The following LRP1B variants were observed in gnomAD, a reference collection of about 807,000 sequenced individuals.
LRP1B encodes the protein LDL receptor related protein 1B.
LRP1B carries 217 observed loss-of-function variants against 556.6 expected under a neutral mutation model. The ratio of observed to expected loss-of-function variants is 0.39; its 90% CI spans 0.35 to 0.44. The LOEUF (loss-of-function observed/expected upper bound fraction) is 0.44, where lower values mean the gene tolerates loss of function less well. LRP1B is among the 20% of genes least tolerant of loss of function. The pLI is 1.00. For synonymous variants in LRP1B, 2,047 were observed against 1,865.8 expected (o/e 1.10, Z -2.50); for missense variants, 5,053 against 5,620.8 (o/e 0.90, Z 3.23).
chr2:140,404,617 C>A (rs899345329), intron 66 of LRP1B, among the ~76,000 whole-genome samples: 2 of 152,068 alleles, frequency 1.3e-5, no homozygotes, highest in Admixed American at 1.3e-4. Context: ...AAATGCCCTA[C>A]TTAAAAGATA....
chr2:140,743,889 C>A (rs911246243), intron 35 of LRP1B, among the ~76,000 whole-genome samples: 23 of 135,830 alleles, frequency 1.7e-4, no homozygotes, highest in Admixed American at 9.3e-4. Flanking sequence ...ATCACTTGAA[C>A]CCAGGAGGGG....
intron 7 of LRP1B, among the ~76,000 whole-genome samples, chr2:141,082,467 C>T (rs960039853): frequency 6.6e-6 from 1 of 152,328 alleles, no homozygotes; most frequent in South Asian, 2.1e-4. Flanking sequence ...GAATACATGA[C>T]TCTCTGAGGA....
At chr2:141,941,401 G>C (rs1329694893) in intron 1 of LRP1B, among the ~76,000 whole-genome samples, 1 of 152,214 alleles carries the variant, frequency 6.6e-6, no homozygotes, top group Non-Finnish European at 1.5e-5. Flanking sequence ...AGGGAGCTCA[G>C]TGTACTGTGA....
chr2:141,479,076 G>A (rs1049504027), intron 3 of LRP1B, among the ~76,000 whole-genome samples: 10 of 152,130 alleles, frequency 6.6e-5, no homozygotes, highest in Non-Finnish European at 1.3e-4. Flanking sequence ...CAGAGTCAGC[G>A]TAATTGGACC....
intron 3 of LRP1B, among the ~76,000 whole-genome samples, chr2:141,406,351 AAAG>A (rs1466077168): frequency 6.6e-6 from 1 of 152,098 alleles, no homozygotes; most frequent in Non-Finnish European, 1.5e-5. Context: ...TCTGAGAATG[AAAG>A]AAGGTTCTTA....
At chr2:141,588,265 G>A (rs1687211947) in intron 2 of LRP1B, among the ~76,000 whole-genome samples, 1 of 151,462 alleles carries the variant, frequency 6.6e-6, no homozygotes, top group South Asian at 2.1e-4. Context: ...TATCATAAGA[G>A]TGTGTTGGCT....
In LRP1B at chr2:141,055,110, A is replaced by G. The variant is rs1487942536; in HGVS notation, c.1552+6T>C. ...TGCTGGCAAATGTTTTATTTTAACA[A>G]CATACTTTTGCATGACCTGCCATCA... On this transcript the variant is annotated splice_donor_region_variant and intron_variant, in intron 10 of 90. Coordinates refer to ENST00000389484, the MANE Select transcript of LRP1B (RefSeq NM_018557.3). 2.5e-6 allele frequency: 4 copies of G among 1,611,464 alleles called. No individual in the cohort carries two copies. The highest frequency in any genetic ancestry group is 3.4e-5 in the Admixed American group (2 of 59,662).
intron 3 of LRP1B, among the ~76,000 whole-genome samples, chr2:141,427,794 G>A (rs1173319001): frequency 6.6e-6 from 1 of 152,012 alleles, no homozygotes; most frequent in Admixed American, 6.6e-5. Context: ...GCTGAAATAA[G>A]AGAAACACTT....
At chr2:141,985,962 A>C (rs1702175517) in intron 1 of LRP1B, among the ~76,000 whole-genome samples, 1 of 152,028 alleles carries the variant, frequency 6.6e-6, no homozygotes, top group Non-Finnish European at 1.5e-5. Context: ...AGAAAAACTA[A>C]GTAGATATTT....
chr2:140,432,206 C>T (rs958697737), intron 66 of LRP1B, among the ~76,000 whole-genome samples: 1 of 152,136 alleles, frequency 6.6e-6, no homozygotes, highest in African/African-American at 2.4e-5. Context: ...TTGTGACCCC[C>T]ACATCTGCCC....
intron 7 of LRP1B, among the ~76,000 whole-genome samples, chr2:141,088,339 A>G (rs541700837): frequency 3.0e-4 from 45 of 152,288 alleles, no homozygotes; most frequent in African/African-American, 8.4e-4. Context: ...CTTCTACTCA[A>G]TGAGTCTCTT....
At chr2:140,965,199 G>A (rs144394066) in intron 18 of LRP1B, among the ~76,000 whole-genome samples, 1 of 152,042 alleles carries the variant, frequency 6.6e-6, no homozygotes, top group South Asian at 2.1e-4. Flanking sequence ...AAGGTACATC[G>A]AATTCTAACC....
At chr2:141,220,950 A>T (rs1052059850) in intron 6 of LRP1B, among the ~76,000 whole-genome samples, 1 of 151,994 alleles carries the variant, frequency 6.6e-6, no homozygotes, top group East Asian at 1.9e-4. Flanking sequence ...AAAGTTCATT[A>T]CCAGCCACTA....
At chr2:141,876,493 CT>C (rs1698763227) in intron 1 of LRP1B, among the ~76,000 whole-genome samples, 1 of 151,880 alleles carries the variant, frequency 6.6e-6, no homozygotes, top group South Asian at 2.1e-4. Context: ...TCAATTTACT[CT>C]TTCTGCATCA....
At chr2:140,910,120 A>T (rs1694375368) in intron 21 of LRP1B, among the ~76,000 whole-genome samples, 1 of 145,666 alleles carries the variant, frequency 6.9e-6, no homozygotes, top group Non-Finnish European at 1.5e-5. Flanking sequence ...AAACAGAGGA[A>T]TCTTAATGAG....
At chr2:141,770,628 C>A (rs1013930615) in intron 2 of LRP1B, among the ~76,000 whole-genome samples, 4 of 152,122 alleles carry the variant, frequency 2.6e-5, no homozygotes, top group African/African-American at 9.7e-5. Flanking sequence ...GATTTGAAAG[C>A]TTTTAGTATT....
At chr2:141,215,124 TAGTG>T (rs963228858) in intron 6 of LRP1B, among the ~76,000 whole-genome samples, 2 of 152,216 alleles carry the variant, frequency 1.3e-5, no homozygotes, top group East Asian at 1.9e-4. Flanking sequence ...GTCCTCACAA[TAGTG>T]AGTGAGTTCC....
At chr2:141,778,631 A>G (rs1695149902) in intron 2 of LRP1B, among the ~76,000 whole-genome samples, 1 of 152,244 alleles carries the variant, frequency 6.6e-6, no homozygotes, top group Admixed American at 6.5e-5. Context: ...TGTGTGTAAT[A>G]CGTTTCAAAA....
chr2:141,678,430 G>C (rs368748805), intron 2 of LRP1B, among the ~76,000 whole-genome samples: 8 of 152,224 alleles, frequency 5.3e-5, no homozygotes, highest in African/African-American at 1.9e-4. Flanking sequence ...TTTTAATGAT[G>C]AATGAAACTA....
Sources: allele counts gnomAD v4.1 joint callset (sites outside exome capture counted in the v4.1 genomes callset), GRCh38; gene constraint gnomAD v4.1.1; transcripts MANE v1.5; gene names NCBI Gene and HGNC (gene_info 2026-07-23, HGNC 2026-07-21).